The following RANBP2 variants were observed in gnomAD, a reference collection of about 807,000 sequenced individuals.
The protein encoded by RANBP2 is RAN binding protein 2.
Under a neutral mutation model 303.6 loss-of-function variants are expected in RANBP2, and 57 were observed. The observed-to-expected ratio is 0.19, with a 90% confidence interval of 0.15 to 0.23. RANBP2 has a LOEUF of 0.23. Among genes scored for constraint, RANBP2 ranks in the 10% least tolerant of loss-of-function variants. The pLI, the probability that RANBP2 is intolerant of heterozygous loss-of-function variation, is 1.00. For synonymous variants in RANBP2, 1,167 were observed against 1,301.5 expected (o/e 0.90, Z 2.23); for missense variants, 3,138 against 3,780.8 (o/e 0.83, Z 4.46).
the RANBP2 span, among the ~76,000 whole-genome samples, chr2:109,219,195 C>A: frequency 1.3e-5 from 2 of 152,214 alleles, no homozygotes; most frequent in Non-Finnish European, 2.9e-5. Context: ...ATGGGAGGAT[C>A]CTGAACTTGG....
the RANBP2 span, among the ~76,000 whole-genome samples, chr2:109,671,427 G>A: frequency 6.6e-6 from 1 of 152,138 alleles, no homozygotes; most frequent in South Asian, 2.1e-4. Flanking sequence ...AAGTCTGGGG[G>A]CTGGGAAGGG....
intron 4 of RANBP2, 43 bp from the exon 5 acceptor site, chr2:108,735,489 A>T (rs560339168): frequency 1.3e-6 from 2 of 1,596,926 alleles, no homozygotes; most frequent in East Asian, 2.2e-5. Context: ...TTAAAATTGC[A>T]CAAGTGTTAC....
the RANBP2 span, among the ~76,000 whole-genome samples, chr2:109,580,458 A>C: frequency 1.3e-5 from 2 of 151,204 alleles, no homozygotes; most frequent in Admixed American, 1.3e-4. Context: ...ACAAAACCCA[A>C]AACCAACCAA....
chr2:109,027,676 C>T, the RANBP2 span, among the ~76,000 whole-genome samples: 1 of 140,332 alleles, frequency 7.1e-6, no homozygotes, highest in Non-Finnish European at 1.5e-5. Context: ...GCGTAAGCGT[C>T]GTTATGACTA....
At chr2:109,722,973 C>T in the RANBP2 span, among the ~76,000 whole-genome samples, 3 of 152,050 alleles carry the variant, frequency 2.0e-5, no homozygotes, top group African/African-American at 4.8e-5. Flanking sequence ...TATTCCATTG[C>T]GTCTATACCC....
chr2:109,628,011 G>C, the RANBP2 span, among the ~76,000 whole-genome samples: 3 of 150,508 alleles, frequency 2.0e-5, no homozygotes, highest in African/African-American at 7.5e-5. Flanking sequence ...GTGCGTATCT[G>C]TGTCTTTGAT....
the RANBP2 span, chr2:108,791,673 A>G: frequency 6.2e-7 from 1 of 1,602,462 alleles, no homozygotes; most frequent in Middle Eastern, 1.7e-4. Context: ...ATTTTTTTAA[A>G]GCCTAGATGA....
the RANBP2 span, among the ~76,000 whole-genome samples, chr2:109,217,543 A>T: frequency 1.2e-4 from 19 of 152,330 alleles, no homozygotes; most frequent in East Asian, 3.3e-3. Flanking sequence ...TATCTTTAGA[A>T]TGTTGAGCTT....
At chr2:108,912,318 T>C in the RANBP2 span, among the ~76,000 whole-genome samples, 1 of 152,176 alleles carries the variant, frequency 6.6e-6, no homozygotes, top group Non-Finnish European at 1.5e-5. Context: ...TCAGCATGTT[T>C]ATATGAAAAC....
chr2:109,496,899 G>A, the RANBP2 span, among the ~76,000 whole-genome samples: 1 of 152,202 alleles, frequency 6.6e-6, no homozygotes, highest in Admixed American at 6.5e-5. Flanking sequence ...ATGAGTAGAA[G>A]AGAGAGGCAG....
the RANBP2 span, among the ~76,000 whole-genome samples, chr2:109,089,810 C>G: frequency 6.6e-6 from 1 of 152,070 alleles, no homozygotes; most frequent in African/African-American, 2.4e-5. Flanking sequence ...ATGTAAGTTT[C>G]AAGTTTCAAG....
rs1048536476 is a variant in RANBP2 at position 108,721,444 on chromosome 2, GTTATT to G, written c.72+1774_72+1778del. 5.5e-4 allele frequency among the ~76,000 whole-genome samples: 84 copies of G among 152,162 alleles called. 1 individual carries two copies. The highest frequency in any genetic ancestry group is 3.4e-3 in the Middle Eastern group (1 of 294). On this transcript the variant is annotated intron_variant, in intron 1 of 28. Transcript: ENST00000283195. ...TGAAATTAAAGACTTTAATTTTTGT[GTTATT>G]TTATTTTTTTTGAGGTGGGGTCTCA... is the stretch of plus-strand genomic sequence containing the variant.
the RANBP2 span, chr2:109,585,378 A>G: frequency 7.2e-7 from 1 of 1,384,016 alleles, no homozygotes; most frequent in Non-Finnish European, 9.9e-7. Flanking sequence ...AAGAAATACA[A>G]CTGTAAATGC....
In RANBP2 at chr2:108,785,725, A is replaced by G. The variant is rs942065941; in HGVS notation, c.*1824A>G. 2.0e-5 allele frequency: 3 copies of G among 152,240 alleles called. No individual in the cohort carries two copies. The highest frequency in any genetic ancestry group is 7.2e-5 in the African/African-American group (3 of 41,446). 9.4% of individuals were successfully genotyped at this position (152,240 alleles called of 1,614,324 possible). ...ATCACTGATGTGGTCTAAACCCACGATAATATGTATCTTTCCTTTTAAACT... is the reference window on the plus strand; with the variant it reads ...ATCACTGATGTGGTCTAAACCCACGGTAATATGTATCTTTCCTTTTAAACT... On this transcript the variant is annotated 3_prime_UTR_variant, in exon 29 of 29. Transcript: ENST00000283195.
chr2:109,387,028 GT>G, the RANBP2 span, among the ~76,000 whole-genome samples: 2 of 152,180 alleles, frequency 1.3e-5, no homozygotes, highest in African/African-American at 4.8e-5. Context: ...TCAGAAAAGT[GT>G]AAAGAAGAAA....
chr2:108,915,501 T>C, the RANBP2 span, among the ~76,000 whole-genome samples: 17 of 152,372 alleles, frequency 1.1e-4, no homozygotes, highest in East Asian at 3.3e-3. Flanking sequence ...CTTGTGTTTC[T>C]GGATGATGAA....
chr2:108,854,120 A>G, the RANBP2 span, among the ~76,000 whole-genome samples: 1 of 137,894 alleles, frequency 7.3e-6, no homozygotes, highest in Non-Finnish European at 1.5e-5. Flanking sequence ...TATATAATAT[A>G]TACATATGTA....
chr2:108,852,764 GGA>G, the RANBP2 span, among the ~76,000 whole-genome samples: 1 of 152,002 alleles, frequency 6.6e-6, no homozygotes, highest in East Asian at 1.9e-4. Context: ...GTGGGAGGAG[GGA>G]CAGGATCAGG....
chr2:109,104,968 A>G, the RANBP2 span, among the ~76,000 whole-genome samples: 1 of 152,170 alleles, frequency 6.6e-6, no homozygotes, highest in Non-Finnish European at 1.5e-5. Flanking sequence ...CCTGTAAACT[A>G]CTGTTAGAGT....
Sources: allele counts gnomAD v4.1 joint callset (sites outside exome capture counted in the v4.1 genomes callset), GRCh38; gene constraint gnomAD v4.1.1; transcripts MANE v1.5; gene names NCBI Gene and HGNC (gene_info 2026-07-23, HGNC 2026-07-21).